Variants in NADK2 observed in about 807,000 individuals in gnomAD.
The protein encoded by NADK2 is NAD kinase domain-containing protein 1, mitochondrial.
A neutral mutation model predicts 62.1 loss-of-function variants in NADK2; 35 were observed. The observed-to-expected ratio is 0.56, with a 90% CI of 0.43 to 0.75. NADK2 has a LOEUF of 0.75. Ranked by LOEUF, NADK2 falls within the 30% of genes least tolerant of loss-of-function variation. The pLI is 0.00. For missense variants in NADK2, 439 were observed against 561.3 expected (o/e 0.78, Z 2.20); for synonymous variants, 205 against 207.9 (o/e 0.99, Z 0.12).
chr5:36,223,150 G>C (rs1474150537), intron 4 of NADK2, among the ~76,000 whole-genome samples: 1 of 151,984 alleles, frequency 6.6e-6, no homozygotes, highest in Non-Finnish European at 1.5e-5. Context: ...AAAGTTCCAA[G>C]AAAACCAGGA....
chr5:36,237,970 G>A (rs939330154), intron 1 of NADK2, among the ~76,000 whole-genome samples: 2 of 152,132 alleles, frequency 1.3e-5, no homozygotes, highest in African/African-American at 4.8e-5. Flanking sequence ...CTTCTGTGGA[G>A]TTCCAAGCAA....
At chr5:36,220,617 T>G (rs994780120) in intron 4 of NADK2, among the ~76,000 whole-genome samples, 4 of 152,220 alleles carry the variant, frequency 2.6e-5, no homozygotes, top group African/African-American at 9.6e-5. Flanking sequence ...TTTTTAAATT[T>G]TTATATTCAT....
At chr5:36,214,096 A>G (rs1746956349) in intron 6 of NADK2, among the ~76,000 whole-genome samples, 1 of 152,210 alleles carries the variant, frequency 6.6e-6, no homozygotes, top group Non-Finnish European at 1.5e-5. Context: ...TTTTCATACT[A>G]ATTGACTACT....
At chr5:36,200,388 T>TAACAC in intron 9 of NADK2, 108 bp from the exon 10 acceptor site, 4 of 456,252 alleles carry the variant, frequency 8.8e-6, no homozygotes, top group Non-Finnish European at 1.4e-5. Context: ...ATGTGTTATA[T>TAACAC]ATATATATGT....
At chr5:36,196,344 G>A (rs780179828) in intron 11 of NADK2, among the ~76,000 whole-genome samples, 3 of 152,110 alleles carry the variant, frequency 2.0e-5, no homozygotes, top group South Asian at 4.1e-4. Flanking sequence ...ATATGGTAGC[G>A]TATTATGTAG....
intron 7 of NADK2, among the ~76,000 whole-genome samples, chr5:36,209,949 T>A (rs1287546206): frequency 6.6e-6 from 1 of 152,200 alleles, no homozygotes; most frequent in Admixed American, 6.5e-5. Context: ...TCAACTCTTT[T>A]TCGGCACAAC....
chr5:36,193,611 T>C lies in NADK2; in HGVS notation c.*1533A>G, dbSNP rs1415166190. On this transcript the variant is annotated 3_prime_UTR_variant, in exon 12 of 12. Coordinates refer to ENST00000381937, the MANE Select transcript of NADK2 (RefSeq NM_001085411.3). ...ATCAATCTCTGGGAAAACACTACAT[T>C]TTAATGTATTTCTATCTGATATGTC... 6.6e-6 allele frequency: 1 copy of C among 151,978 alleles called. No homozygotes were observed. Among genetic ancestry groups the C allele is most frequent in the Non-Finnish European group, 1.5e-5 (1 of 67,994 alleles). The allele number at this position is 151,978 out of a possible 1,614,324, so 9.4% of individuals were successfully genotyped here.
chr5:36,227,763 C>T (rs1198274684), intron 1 of NADK2, among the ~76,000 whole-genome samples, 198 bp from the exon 2 acceptor site: 1 of 151,822 alleles, frequency 6.6e-6, no homozygotes, highest in Non-Finnish European at 1.5e-5. Flanking sequence ...ATACCAAATA[C>T]AGCATTATGT....
Position 36,195,203 on chromosome 5 carries a change from T to C in NADK2, c.1270A>G (p.Ile424Val), listed in dbSNP as rs138382380. The C allele has an allele frequency of 9.0e-5, 146 of 1,613,650 alleles. No individual in the cohort carries two copies. The highest frequency in any genetic ancestry group is 1.3e-4 in the South Asian group (12 of 90,984). Reference protein sequence around the residue: ...GTSFEFNDGAIASMMINKEDE... With the variant: ...GTSFEFNDGAVASMMINKEDE... The stretch of plus-strand genomic sequence containing the variant: ...TCTTTATTGATCATCATCGAAGCAA[T>C]TGCACCATCATTAAACTCAAAAGAA... The change falls in exon 12 of 12, where the codon ATT becomes GTT. Residue 424 changes from isoleucine to valine, a missense_variant. Coordinates refer to ENST00000381937, the MANE Select transcript of NADK2 (RefSeq NM_001085411.3).
chr5:36,197,692 C>A, intron 10 of NADK2, 28 bp from the exon 11 acceptor site: 1 of 1,508,872 alleles, frequency 6.6e-7, no homozygotes, highest in Non-Finnish European at 8.8e-7. Context: ...TTAGCACACT[C>A]AATAAAAGAT....
intron 1 of NADK2, among the ~76,000 whole-genome samples, chr5:36,235,571 G>A (rs1245824218): frequency 6.6e-6 from 1 of 152,120 alleles, no homozygotes; most frequent in African/African-American, 2.4e-5. Flanking sequence ...TCAAAACTCT[G>A]ATCTTCTGCT....
At chr5:36,240,494 T>C (rs866441960) in intron 1 of NADK2, among the ~76,000 whole-genome samples, 11 of 152,356 alleles carry the variant, frequency 7.2e-5, no homozygotes, top group Middle Eastern at 3.4e-3. Context: ...GTGCAATTAA[T>C]TCCAAAACCT....
At chr5:36,225,691 T>A in intron 3 of NADK2, 68 bp from the exon 4 acceptor site, 1 of 1,468,208 alleles carries the variant, frequency 6.8e-7, no homozygotes, top group Non-Finnish European at 9.5e-7. Flanking sequence ...TTTGGCCATT[T>A]TGAAAATCAG....
intron 10 of NADK2, among the ~76,000 whole-genome samples, chr5:36,199,398 C>G (rs1049615216): frequency 2.6e-5 from 4 of 151,744 alleles, no homozygotes; most frequent in Admixed American, 2.0e-4. Flanking sequence ...GTAGATGTAA[C>G]TTTAAACACA....
At chr5:36,232,247 A>C (rs1246273597) in intron 1 of NADK2, among the ~76,000 whole-genome samples, 6 of 152,206 alleles carry the variant, frequency 3.9e-5, no homozygotes, top group African/African-American at 1.4e-4. Flanking sequence ...TCTAAAACTA[A>C]ATTTATTGCA....
At chr5:36,201,045 T>A in intron 9 of NADK2, 61 bp downstream of exon 9, 2 of 1,414,970 alleles carry the variant, frequency 1.4e-6, no homozygotes, top group Non-Finnish European at 2.0e-6. Context: ...TCACTGGGGG[T>A]TCTGGAACTT....
In NADK2 at chr5:36,216,653, T is replaced by C. The variant is rs199652979; in HGVS notation, c.781+1095A>G. On this transcript the variant is annotated intron_variant, in intron 6 of 11. Coordinates refer to ENST00000381937, the MANE Select transcript of NADK2 (RefSeq NM_001085411.3). ...GATTCACTAAGTTTGTATGTTTCTA[T>C]ATATGAAATATTAACTTCATTTATA... 1.6e-4 allele frequency among the ~76,000 whole-genome samples: 24 copies of C among 152,296 alleles called. No homozygotes were observed. The East Asian group carries it at 3.9e-3, about 24-fold the overall frequency.
chr5:36,241,804 GC>G lies in NADK2; in HGVS notation c.-7del. On this transcript the variant is annotated 5_prime_UTR_variant, in exon 1 of 12. Coordinates refer to ENST00000381937, the MANE Select transcript of NADK2 (RefSeq NM_001085411.3). The surrounding 1 kb of genome is among the most constrained non-coding windows in gnomAD (Gnocchi z 4.9). ...AAGCCTCGGTAGCAAGTCATCGTGG[GC>G]CGGGCCGCGGCCGCGGGCTTGGGCT... 1 of 1,316,262 alleles carries G rather than the reference GC, an allele frequency of 7.6e-7. No individual in the cohort carries two copies. The allele number at this position is 1,316,262 out of a possible 1,614,324, so 81.5% of individuals were successfully genotyped here.
intron 1 of NADK2, among the ~76,000 whole-genome samples, chr5:36,236,866 T>TG (rs1747926266): frequency 2.6e-5 from 1 of 38,360 alleles, no homozygotes; most frequent in South Asian, 5.0e-4. Flanking sequence ...GAGCTTAACC[T>TG]CAAAAAAAAA....
Sources: allele counts gnomAD v4.1 joint callset (sites outside exome capture counted in the v4.1 genomes callset), GRCh38; gene constraint gnomAD v4.1.1; non-coding constraint Gnocchi (gnomAD v3.1); transcripts MANE v1.5; gene names NCBI Gene and HGNC (gene_info 2026-07-23, HGNC 2026-07-21).